Variants in ZNG1B observed in about 807,000 individuals in gnomAD.
ZNG1B encodes the protein Zn regulated GTPase metalloprotein activator 1B, also known as zinc-regulated GTPase metalloprotein activator 1B.
the ZNG1B span, among the ~76,000 whole-genome samples, chr2:113,444,647 A>T: frequency 6.6e-6 from 1 of 151,876 alleles, no homozygotes; most frequent in Non-Finnish European, 1.5e-5. Context: ...TTTTATCATT[A>T]TTTTGTATGT....
At chr2:113,465,911 G>C in the ZNG1B span, 1 of 985,004 alleles carries the variant, frequency 1.0e-6, no homozygotes, top group African/African-American at 1.7e-5. Context: ...TAGGTGAATG[G>C]CTTGTCTGCT....
At chr2:113,471,736 G>A in the ZNG1B span, among the ~76,000 whole-genome samples, 1 of 149,888 alleles carries the variant, frequency 6.7e-6, no homozygotes, top group Non-Finnish European at 1.5e-5. Context: ...TGCGGTGTTT[G>A]GTTTTTTGTT....
chr2:113,475,861 T>A, the ZNG1B span, among the ~76,000 whole-genome samples: 8,067 of 152,008 alleles, frequency 0.053, 661 homozygotes, highest in African/African-American at 0.18. Context: ...AGAGATCCGC[T>A]GTTAGTCTGA....
At chr2:113,476,139 G>A in the ZNG1B span, among the ~76,000 whole-genome samples, 3 of 152,116 alleles carry the variant, frequency 2.0e-5, no homozygotes, top group Non-Finnish European at 4.4e-5. Context: ...ATCAGACATA[G>A]ATTTGGTCTT....
the ZNG1B span, among the ~76,000 whole-genome samples, chr2:113,476,992 A>G: frequency 1.3e-5 from 2 of 152,210 alleles, no homozygotes; most frequent in Non-Finnish European, 2.9e-5. Context: ...CCCTGCCCCC[A>G]GAGGTGGAGC....
chr2:113,472,073 T>C, the ZNG1B span, among the ~76,000 whole-genome samples: 67 of 147,708 alleles, frequency 4.5e-4, no homozygotes, highest in East Asian at 0.01. Flanking sequence ...ACTTCCACAA[T>C]GGTTGAACTA....
At chr2:113,454,665 C>T in the ZNG1B span, 1 of 1,450,582 alleles carries the variant, frequency 6.9e-7, no homozygotes, top group South Asian at 1.2e-5. Context: ...TTTTAATTTT[C>T]ATTCTGAAGT....
At chr2:113,450,319 T>C in the ZNG1B span, among the ~76,000 whole-genome samples, 1 of 143,422 alleles carries the variant, frequency 7.0e-6, no homozygotes, top group East Asian at 2.3e-4. Context: ...TGTATTCTAA[T>C]TGCTTTGATT....
At chr2:113,449,775 A>G in the ZNG1B span, among the ~76,000 whole-genome samples, 1 of 151,272 alleles carries the variant, frequency 6.6e-6, no homozygotes, top group South Asian at 2.1e-4. Context: ...TTTCCCCCTC[A>G]ACTTTGTAAA....
At chr2:113,440,566 A>T in the ZNG1B span, among the ~76,000 whole-genome samples, 2 of 152,206 alleles carry the variant, frequency 1.3e-5, no homozygotes, top group Non-Finnish European at 2.9e-5. Flanking sequence ...TTTGAAAGGA[A>T]TATGACCTAA....
the ZNG1B span, among the ~76,000 whole-genome samples, chr2:113,490,000 T>C: frequency 6.7e-6 from 1 of 148,274 alleles, no homozygotes; most frequent in Admixed American, 6.8e-5. Flanking sequence ...AACTATACCT[T>C]GGAACAAATG....
chr2:113,452,251 TA>T, the ZNG1B span, among the ~76,000 whole-genome samples: 1 of 152,016 alleles, frequency 6.6e-6, no homozygotes. Flanking sequence ...CTTGCATGAG[TA>T]ATCACTGTAA....
At chr2:113,438,001 A>C in the ZNG1B span, 1 of 1,611,972 alleles carries the variant, frequency 6.2e-7, no homozygotes, top group Non-Finnish European at 8.5e-7. Flanking sequence ...GATCCCAGTC[A>C]CAATTATCAC....
the ZNG1B span, chr2:113,437,921 A>T: frequency 1.9e-6 from 3 of 1,611,874 alleles, no homozygotes; most frequent in South Asian, 3.3e-5. Flanking sequence ...GCGGAGGAGG[A>T]TTGTCCTGAA....
At chr2:113,452,233 T>G in the ZNG1B span, among the ~76,000 whole-genome samples, 1 of 152,238 alleles carries the variant, frequency 6.6e-6, no homozygotes, top group Non-Finnish European at 1.5e-5. Context: ...TTGTGGCCCT[T>G]GCTATATCTT....
the ZNG1B span, among the ~76,000 whole-genome samples, chr2:113,474,841 G>A: frequency 6.6e-6 from 1 of 151,958 alleles, no homozygotes; most frequent in African/African-American, 2.4e-5. Context: ...TGATTGTACT[G>A]TGGTCTGAGA....
the ZNG1B span, among the ~76,000 whole-genome samples, chr2:113,472,770 A>G: frequency 1.3e-5 from 2 of 151,698 alleles, no homozygotes; most frequent in Non-Finnish European, 2.9e-5. Flanking sequence ...TGTTTTTCTC[A>G]GGTTTGTCAA....
At chr2:113,488,507 A>G in the ZNG1B span, among the ~76,000 whole-genome samples, 262 of 152,254 alleles carry the variant, frequency 1.7e-3, no homozygotes, top group Non-Finnish European at 2.8e-3. Flanking sequence ...AATGGATCCA[A>G]ACTAAGAAGA....
chr2:113,487,297 C>T, the ZNG1B span, among the ~76,000 whole-genome samples: 1 of 151,900 alleles, frequency 6.6e-6, no homozygotes, highest in African/African-American at 2.4e-5. Context: ...TGTGTAAGTA[C>T]ACTATCATGT....
Sources: allele counts gnomAD v4.1 joint callset (sites outside exome capture counted in the v4.1 genomes callset), GRCh38; gene constraint gnomAD v4.1.1; transcripts MANE v1.5; gene names NCBI Gene and HGNC (gene_info 2026-07-23, HGNC 2026-07-21).